Variants in KIAA1328 observed in about 807,000 individuals in gnomAD.
KIAA1328 encodes the protein protein hinderin.
A neutral mutation model predicts 68.1 loss-of-function variants in KIAA1328; 52 were observed. The observed-to-expected ratio is 0.76, with a 90% confidence interval of 0.61 to 0.96. The LOEUF is 0.96. KIAA1328 is among the 40% of genes least tolerant of loss of function. The pLI, the probability that KIAA1328 is intolerant of heterozygous loss-of-function variation, is 0.00. For missense variants in KIAA1328, 641 were observed against 677.6 expected, an observed-to-expected ratio of 0.95 and a Z score of 0.60; for synonymous variants, 232 against 239.4, an observed-to-expected ratio of 0.97 and a Z score of 0.28.
At chr18:36,898,601 A>G (rs2048937567) in intron 5 of KIAA1328, among the ~76,000 whole-genome samples, 1 of 151,986 alleles carries the variant, frequency 6.6e-6, no homozygotes, top group Non-Finnish European at 1.5e-5. Flanking sequence ...AAAAAGATAT[A>G]TGTTTATTTC....
At chr18:36,881,004 C>G (rs1007889643) in intron 4 of KIAA1328, among the ~76,000 whole-genome samples, 3 of 152,010 alleles carry the variant, frequency 2.0e-5, no homozygotes, top group South Asian at 4.1e-4. Context: ...CTATACTTAT[C>G]AGATAGATTG....
chr18:37,014,926 CAG>C (rs2054099500), intron 6 of KIAA1328, among the ~76,000 whole-genome samples: 2 of 152,096 alleles, frequency 1.3e-5, no homozygotes, highest in Admixed American at 1.3e-4. Context: ...TTTTTTTAGA[CAG>C]AGTCTAGCTC....
chr18:37,149,648 T>C (rs1254239243), intron 7 of KIAA1328, among the ~76,000 whole-genome samples: 1 of 152,174 alleles, frequency 6.6e-6, no homozygotes, highest in African/African-American at 2.4e-5. Context: ...AAAGGTATAG[T>C]AAAAAATTGA....
chr18:37,063,624 A>C, intron 6 of KIAA1328: 1 of 985,278 alleles, frequency 1.0e-6, no homozygotes, highest in Non-Finnish European at 1.2e-6. Flanking sequence ...CATGCACAGT[A>C]ACCAAGCAGG....
At chr18:36,955,437 G>A (rs1424185974) in intron 5 of KIAA1328, among the ~76,000 whole-genome samples, 1 of 151,614 alleles carries the variant, frequency 6.6e-6, no homozygotes, top group African/African-American at 2.4e-5. Context: ...AGCCTCCCGA[G>A]TAGCTGGGAT....
intron 7 of KIAA1328, among the ~76,000 whole-genome samples, chr18:37,088,553 A>G (rs560386060): frequency 2.0e-5 from 3 of 151,936 alleles, no homozygotes; most frequent in East Asian, 3.9e-4. Context: ...TCTTTAGTTC[A>G]TACGTATTTT....
intron 7 of KIAA1328, among the ~76,000 whole-genome samples, chr18:37,081,012 G>T (rs1290252379): frequency 1.3e-5 from 2 of 151,594 alleles, no homozygotes; most frequent in East Asian, 2.0e-4. Context: ...ACGGAGTTTG[G>T]CTCTGTCACC....
intron 6 of KIAA1328, among the ~76,000 whole-genome samples, chr18:37,014,667 G>A (rs540617726): frequency 3.3e-5 from 5 of 152,140 alleles, no homozygotes; most frequent in Middle Eastern, 3.4e-3. Context: ...GGAAGAGAGG[G>A]GTCAAGGGAG....
At chr18:36,993,264 A>T (rs1168440070) in intron 6 of KIAA1328, among the ~76,000 whole-genome samples, 1 of 152,244 alleles carries the variant, frequency 6.6e-6, no homozygotes, top group Non-Finnish European at 1.5e-5. Context: ...ACATTCTTTC[A>T]AGTATCTGTT....
chr18:37,015,356 C>T (rs1352698269), intron 6 of KIAA1328, among the ~76,000 whole-genome samples: 18 of 152,072 alleles, frequency 1.2e-4, no homozygotes, highest in African/African-American at 3.9e-4. Flanking sequence ...CATTGGTCTA[C>T]GTGTCTGTTT....
chr18:37,182,421 A>G lies in KIAA1328; in HGVS notation c.1523+9340A>G, dbSNP rs567987580. 3.3e-5 allele frequency among the ~76,000 whole-genome samples: 5 copies of G among 152,312 alleles called. No homozygotes were observed. In the East Asian group the frequency reaches 9.6e-4, roughly 29 times the overall value. ...CTAGCTATGTGGCTTTGAACAAATC[A>G]TTTAATTTAATCTATAAAATGGGAG... On this transcript the variant is annotated intron_variant, in intron 9 of 9. Coordinates refer to ENST00000280020, the MANE Select transcript of KIAA1328 (RefSeq NM_020776.3).
At chr18:36,835,154 A>T in intron 2 of KIAA1328, 80 bp from the exon 3 acceptor site, 1 of 1,240,814 alleles carries the variant, frequency 8.1e-7, no homozygotes, top group East Asian at 2.4e-5. Flanking sequence ...AAAGTAGAGG[A>T]TTCCAAGGAA....
rs150159933 is a variant in KIAA1328, at chr18:37,161,585, CT to C, written c.1414+1207del. On this transcript the variant is annotated intron_variant, in intron 8 of 9. Coordinates refer to ENST00000280020, the MANE Select transcript of KIAA1328 (RefSeq NM_020776.3). ...AAAAATAAAAATTAAATTGAAGAAA[CT>C]TTATGAGGTAGAATCTTTACTTTCT... 5.3e-3 allele frequency among the ~76,000 whole-genome samples: 804 copies of C among 152,304 alleles called. 4 individuals carry two copies. Among genetic ancestry groups the C allele is most frequent in the Non-Finnish European group, 8.4e-3 (572 of 68,006 alleles).
chr18:37,186,243 T>C (rs1022885237), intron 9 of KIAA1328, among the ~76,000 whole-genome samples: 1 of 151,634 alleles, frequency 6.6e-6, no homozygotes, highest in Non-Finnish European at 1.5e-5. Context: ...ATTACAGACT[T>C]GCGCCACTAT....
At chr18:37,201,542 T>C (rs1250173428) in intron 9 of KIAA1328, among the ~76,000 whole-genome samples, 3 of 152,176 alleles carry the variant, frequency 2.0e-5, no homozygotes, top group Non-Finnish European at 4.4e-5. Flanking sequence ...ATTTGCAAAA[T>C]AAGTTTTAGT....
intron 7 of KIAA1328, among the ~76,000 whole-genome samples, chr18:37,121,283 A>G (rs2058261510): frequency 2.0e-5 from 3 of 152,166 alleles, no homozygotes; most frequent in Admixed American, 1.3e-4. Context: ...AAGTTATTGT[A>G]AAATCAAGGA....
chr18:37,073,969 G>T (rs201665265), intron 7 of KIAA1328, among the ~76,000 whole-genome samples: 1 of 152,134 alleles, frequency 6.6e-6, no homozygotes, highest in Non-Finnish European at 1.5e-5. Context: ...AGTTTATGGT[G>T]TGAGATACTG....
chr18:37,153,584 T>C (rs1056115921), intron 7 of KIAA1328, among the ~76,000 whole-genome samples: 2 of 151,272 alleles, frequency 1.3e-5, no homozygotes, highest in East Asian at 1.9e-4. Context: ...TCTCTTTCCG[T>C]GTTCACAGCA....
At chr18:37,149,282 C>T (rs552181697) in intron 7 of KIAA1328, among the ~76,000 whole-genome samples, 3 of 152,100 alleles carry the variant, frequency 2.0e-5, no homozygotes, top group Non-Finnish European at 2.9e-5. Flanking sequence ...ACCTGATCTT[C>T]GACAACCTGA....
Sources: allele counts gnomAD v4.1 joint callset (sites outside exome capture counted in the v4.1 genomes callset), GRCh38; gene constraint gnomAD v4.1.1; transcripts MANE v1.5; gene names NCBI Gene and HGNC (gene_info 2026-07-23, HGNC 2026-07-21).